CDC123: variants seen among roughly 807,000 people sequenced by gnomAD.
CDC123 encodes cell division cycle 123, also known as translation initiation factor eIF2 assembly protein.
A neutral mutation model predicts 54.4 loss-of-function variants in CDC123; 37 were observed. The observed-to-expected ratio is 0.68, with a 90% CI of 0.52 to 0.89. CDC123 has a LOEUF of 0.89. CDC123 is among the 40% of genes least tolerant of loss of function. The pLI, the probability that CDC123 is intolerant of heterozygous loss-of-function variation, is 0.00. For missense variants in CDC123, 361 were observed against 412.1 expected, an observed-to-expected ratio of 0.88 and a Z score of 1.07; for synonymous variants, 144 against 136.8, an observed-to-expected ratio of 1.05 and a Z score of -0.37.
chr10:12,233,506 T>C (rs1564256241), intron 7 of CDC123, among the ~76,000 whole-genome samples: 2 of 152,174 alleles, frequency 1.3e-5, no homozygotes, highest in South Asian at 4.1e-4. Context: ...AAATAGTATT[T>C]TGATAAACAT....
intron 2 of CDC123, among the ~76,000 whole-genome samples, chr10:12,206,047 G>T (rs752717566): frequency 2.6e-5 from 4 of 152,018 alleles, no homozygotes; most frequent in African/African-American, 9.7e-5. Context: ...TGATCCACCC[G>T]CCTTGGCCTC....
At chr10:12,231,295 T>C (rs1276409890) in intron 7 of CDC123, among the ~76,000 whole-genome samples, 1 of 152,168 alleles carries the variant, frequency 6.6e-6, no homozygotes, top group East Asian at 1.9e-4. Flanking sequence ...CATTTTACCA[T>C]TTTTATATTG....
chr10:12,201,824 A>AAGT (rs1251335649), intron 2 of CDC123, among the ~76,000 whole-genome samples: 1 of 152,128 alleles, frequency 6.6e-6, no homozygotes, highest in Non-Finnish European at 1.5e-5. Context: ...ATTGCATTTG[A>AAGT]CTGGGTGAGA....
At chr10:12,207,880 A>G (rs1281089049) in intron 2 of CDC123, among the ~76,000 whole-genome samples, 2 of 152,202 alleles carry the variant, frequency 1.3e-5, no homozygotes, top group East Asian at 3.8e-4. Flanking sequence ...AAAGGGGCTG[A>G]GGAGAATTAG....
chr10:12,212,095 A>G (rs1294311346), intron 4 of CDC123, among the ~76,000 whole-genome samples: 1 of 143,658 alleles, frequency 7.0e-6, no homozygotes, highest in Non-Finnish European at 1.5e-5. Flanking sequence ...CTCAAAAAAT[A>G]AAATAAAATA....
intron 6 of CDC123, among the ~76,000 whole-genome samples, chr10:12,221,057 TAC>T (rs979188904): frequency 1.8e-4 from 27 of 150,728 alleles, no homozygotes; most frequent in South Asian, 8.3e-4. Flanking sequence ...TTTAATATAA[TAC>T]AGTTATATAT....
chr10:12,246,514 T>G, intron 11 of CDC123: 1 of 389,392 alleles, frequency 2.6e-6, no homozygotes, highest in Non-Finnish European at 4.6e-6. Flanking sequence ...TTTTCTGAGC[T>G]TCTTCTGTCA....
chr10:12,197,798 A>AAAAT (rs1353991116), intron 1 of CDC123, among the ~76,000 whole-genome samples: 2 of 152,142 alleles, frequency 1.3e-5, no homozygotes, highest in Admixed American at 6.5e-5. Context: ...TATTTATTTA[A>AAAAT]AAATAAATAA....
chr10:12,196,307 T>C lies in CDC123; in HGVS notation c.62T>C (p.Val21Ala). The part of the protein sequence containing the change: ...FSAWYPFFRG[V>A]TIKSVILPLP... ...GCGTGGTACCCGTTCTTCCGAGGCGTTACCATCAAGAGGTGAGATGGGAGG... is the reference window on the plus strand; with the variant it reads ...GCGTGGTACCCGTTCTTCCGAGGCGCTACCATCAAGAGGTGAGATGGGAGG... Residue 21 changes from valine (V) to alanine (A), a missense_variant, in exon 1 of 13, where the codon GTT becomes GCT. By Grantham distance (64) the Val-to-Ala change is moderately conservative (BLOSUM62 0). Transcript: ENST00000281141. The C allele has an allele frequency of 6.2e-7, 1 of 1,613,024 alleles. No homozygotes were observed. Among genetic ancestry groups the C allele is most frequent in the Non-Finnish European group, 8.5e-7 (1 of 1,179,450 alleles).
chr10:12,213,892 G>T (rs1445777373), intron 4 of CDC123, among the ~76,000 whole-genome samples: 2 of 152,132 alleles, frequency 1.3e-5, no homozygotes, highest in Non-Finnish European at 2.9e-5. Flanking sequence ...TCTTCCAGAT[G>T]AGATAGAAAT....
At chr10:12,226,383 C>T (rs1475680409) in intron 6 of CDC123, among the ~76,000 whole-genome samples, 2 of 150,232 alleles carry the variant, frequency 1.3e-5, no homozygotes, top group South Asian at 2.1e-4. Context: ...CCAGATGGGG[C>T]GGCTGGCCGG....
chr10:12,238,061 A>T (rs1250551838), intron 9 of CDC123, among the ~76,000 whole-genome samples: 1 of 152,230 alleles, frequency 6.6e-6, no homozygotes, highest in Non-Finnish European at 1.5e-5. Flanking sequence ...TTCAAGGCTC[A>T]TTAGATTTTA....
chr10:12,229,476 C>T (rs1835870389), intron 6 of CDC123, among the ~76,000 whole-genome samples: 1 of 152,210 alleles, frequency 6.6e-6, no homozygotes, highest in Non-Finnish European at 1.5e-5. Context: ...TATTTGAATG[C>T]TCTGTGAGAT....
chr10:12,250,028 G>A, intron 12 of CDC123: 1 of 474,286 alleles, frequency 2.1e-6, no homozygotes, highest in Non-Finnish European at 3.7e-6. Flanking sequence ...CTCTGCTCTG[G>A]TGGTGATTTT....
chr10:12,240,258 C>T (rs548467845), intron 10 of CDC123, among the ~76,000 whole-genome samples: 2 of 152,222 alleles, frequency 1.3e-5, no homozygotes, highest in African/African-American at 4.8e-5. Context: ...AAGTTTAGGT[C>T]ACTAAATGCT....
chr10:12,212,942 A>G (rs973647663), intron 4 of CDC123, among the ~76,000 whole-genome samples: 1 of 152,236 alleles, frequency 6.6e-6, no homozygotes. Flanking sequence ...GTTATGACCT[A>G]TTGACTAAAA....
chr10:12,238,525 C>A, intron 10 of CDC123, 40 bp downstream of exon 10: 1 of 1,596,910 alleles, frequency 6.3e-7, no homozygotes, highest in Non-Finnish European at 8.5e-7. Flanking sequence ...AATATAAGAG[C>A]TGGTTTTATA....
rs540915162 is a variant in CDC123, at chr10:12,226,846, G to C, written c.441-4102G>C. ...AGGCAGAGACGCTCCTTGCTTCCCA[G>C]ACGGGGTGGCGGCTGGGCAGAGGCT... is the stretch of plus-strand genomic sequence containing the variant. On this transcript the variant is annotated intron_variant, in intron 6 of 12. Coordinates refer to ENST00000281141, the MANE Select transcript of CDC123 (RefSeq NM_006023.3). 5.3e-4 allele frequency among the ~76,000 whole-genome samples: 80 copies of C among 152,278 alleles called. 1 individual carries two copies. The highest frequency in any genetic ancestry group is 4.4e-3 in the Admixed American group (68 of 15,296).
intron 10 of CDC123, chr10:12,245,329 C>G (rs1836117557): frequency 6.6e-6 from 1 of 152,062 alleles, no homozygotes; most frequent in African/African-American, 2.4e-5. Flanking sequence ...GATCACGGCT[C>G]ACAGTAGCCT....
Sources: allele counts gnomAD v4.1 joint callset (sites outside exome capture counted in the v4.1 genomes callset), GRCh38; gene constraint gnomAD v4.1.1; transcripts MANE v1.5; gene names NCBI Gene and HGNC (gene_info 2026-07-23, HGNC 2026-07-21).